SEMA4B: variants seen among roughly 807,000 people sequenced by gnomAD.
SEMA4B encodes the protein semaphorin-4B.
Under a neutral mutation model 88.1 loss-of-function variants are expected in SEMA4B, and 55 were observed. The observed-to-expected ratio is 0.62, with a 90% CI of 0.50 to 0.78. The LOEUF (loss-of-function observed/expected upper bound fraction) is 0.78, where lower values mean the gene tolerates loss of function less well. SEMA4B is among the 30% of genes least tolerant of loss of function. SEMA4B has a pLI of 0.00. For missense variants in SEMA4B, 1,062 were observed against 1,111.9 expected (o/e 0.96, Z 0.64); for synonymous variants, 525 against 473.6 (o/e 1.11, Z -1.41).
Position 90,211,304 on chromosome 15 carries a change from C to T in SEMA4B, c.158-6135C>T, listed in dbSNP as rs139107768. 4.3e-3 allele frequency among the ~76,000 whole-genome samples: 653 copies of T among 152,302 alleles called. 2 individuals carry two copies. The highest frequency in any genetic ancestry group is 0.015 in the African/African-American group (626 of 41,566). On this transcript the variant is annotated intron_variant, in intron 1 of 13. Transcript: ENST00000411539. Reference sequence around the variant, plus strand: ...TTCTGGCAGAGGCTCTTCGTCTGCCCACTTGGGGCTGTAGCAATGGCTTTC... The same window carrying T: ...TTCTGGCAGAGGCTCTTCGTCTGCCTACTTGGGGCTGTAGCAATGGCTTTC...
intron 3 of SEMA4B, chr15:90,219,169 G>C (rs1454720133): frequency 6.6e-6 from 1 of 152,378 alleles, no homozygotes; most frequent in African/African-American, 2.4e-5. Context: ...TCAGATTCCG[G>C]ATGCATTTTG....
chr15:90,200,253 G>A (rs1412989300), upstream of SEMA4B, among the ~76,000 whole-genome samples: 1 of 152,168 alleles, frequency 6.6e-6, no homozygotes, highest in Non-Finnish European at 1.5e-5. Flanking sequence ...TTGGCTGGGG[G>A]TGAAGAGGAG....
At chr15:90,224,833 A>G in intron 9 of SEMA4B, 135 bp from the exon 10 acceptor site, 3 of 728,440 alleles carry the variant, frequency 4.1e-6, no homozygotes, top group Non-Finnish European at 7.3e-6. Context: ...CTGGCTCTGT[A>G]GAGCACTGCC....
At chr15:90,186,065 C>T (rs534921138) in intron 1 of SEMA4B, among the ~76,000 whole-genome samples, 4 of 151,042 alleles carry the variant, frequency 2.6e-5, no homozygotes, top group East Asian at 4.0e-4. Flanking sequence ...TCCTGAGTAG[C>T]TGGGACTACA....
chr15:90,205,848 C>T (rs1424527724), intron 1 of SEMA4B, among the ~76,000 whole-genome samples: 2 of 152,166 alleles, frequency 1.3e-5, no homozygotes, highest in African/African-American at 2.4e-5. Flanking sequence ...TACCAGGGGT[C>T]CTGCTTAATT....
chr15:90,186,360 C>CT (rs2151580060), intron 1 of SEMA4B, among the ~76,000 whole-genome samples: 1 of 152,200 alleles, frequency 6.6e-6, no homozygotes, highest in East Asian at 1.9e-4. Context: ...TGGCTCACGC[C>CT]TGTAATCCCA....
intron 1 of SEMA4B, chr15:90,206,995 AC>A (rs200074082): frequency 6.5e-6 from 3 of 462,298 alleles, no homozygotes; most frequent in East Asian, 9.0e-5. Flanking sequence ...CACAAAAAAA[AC>A]AAAAAAAGCC....
rs1471076270 is a variant in SEMA4B at position 90,212,135 on chromosome 15, AC to A, written c.158-5303del. Among the ~76,000 whole-genome samples the A allele has an allele frequency of 0.09, 1,539 of 17,190 alleles. 11 individuals are homozygous for A. The highest frequency in any genetic ancestry group is 0.11 in the Admixed American group (157 of 1,382). 11.3% of individuals were successfully genotyped at this position (17,190 alleles called of 152,430 possible). On this transcript the variant is annotated intron_variant, in intron 1 of 13. Transcript: ENST00000411539. This position sits in a 1 kb window ranked among gnomAD's most constrained non-coding sequence, Gnocchi z 4.0. The stretch of plus-strand genomic sequence containing the variant: ...GCTGAGTATTCCCACATCACTTCCT[AC>A]TCAGAACCCCACTTCCTACTCAGAA...
intron 7 of SEMA4B, among the ~76,000 whole-genome samples, chr15:90,222,249 C>CTTTT (rs766999023): frequency 2.8e-4 from 29 of 104,356 alleles, no homozygotes; most frequent in African/African-American, 1.3e-3. Context: ...CATTTTTTTT[C>CTTTT]TTTTCTTTTT....
At chr15:90,227,770 C>T in intron 13 of SEMA4B, 128 bp downstream of exon 13, 2 of 1,466,542 alleles carry the variant, frequency 1.4e-6, no homozygotes, top group Non-Finnish European at 9.3e-7. Context: ...AGCAGGTCCC[C>T]AGGAAGACTC....
chr15:90,218,439 CAT>C (rs1255848581), intron 3 of SEMA4B, among the ~76,000 whole-genome samples: 1 of 152,216 alleles, frequency 6.6e-6, no homozygotes, highest in Non-Finnish European at 1.5e-5. Context: ...ATTCAGCTAA[CAT>C]TGATGAAGCA....
At chr15:90,201,860 G>A (rs1567046322) in intron 1 of SEMA4B, 125 bp downstream of exon 1, 8 of 944,978 alleles carry the variant, frequency 8.5e-6, no homozygotes, top group Non-Finnish European at 1.2e-5. Context: ...GATCCATTAG[G>A]ACCCCTTCTT....
chr15:90,190,998 C>G (rs1439191680), intron 1 of SEMA4B, among the ~76,000 whole-genome samples: 1 of 152,144 alleles, frequency 6.6e-6, no homozygotes, highest in Non-Finnish European at 1.5e-5. Context: ...ATCTGGTCTC[C>G]CCTGGACAGG....
chr15:90,194,959 G>A (rs1226026267), intron 1 of SEMA4B, among the ~76,000 whole-genome samples: 1 of 151,876 alleles, frequency 6.6e-6, no homozygotes, highest in Non-Finnish European at 1.5e-5. Flanking sequence ...TCTGAGAAAT[G>A]CCATTATCAT....
chr15:90,225,329 A>T lies in SEMA4B; in HGVS notation c.1453A>T (p.Ile485Phe). ...KAVSVGPRVH[I>F]IEELQIFSSG... ...AGTGAGCGTGGGCCCCCGGGTGCAC[A>T]TCATTGAGGAGCTGCAGATCTTCTC... The change falls in exon 11 of 14, where the codon ATC becomes TTC. Residue 485 changes from isoleucine to phenylalanine, a missense_variant. Coordinates refer to ENST00000411539, the MANE Select transcript of SEMA4B (RefSeq NM_198925.4). The T allele has an allele frequency of 1.9e-6, 3 of 1,558,546 alleles. No homozygotes were observed. The South Asian group carries it at 3.5e-5, about 18-fold the overall frequency.
chr15:90,194,693 G>T (rs1262386425), intron 1 of SEMA4B, among the ~76,000 whole-genome samples: 1 of 152,122 alleles, frequency 6.6e-6, no homozygotes, highest in Non-Finnish European at 1.5e-5. Flanking sequence ...GAGCCACCGT[G>T]CCTGGCTGTC....
chr15:90,196,509 G>A (rs1960511425), upstream of SEMA4B, among the ~76,000 whole-genome samples: 1 of 150,972 alleles, frequency 6.6e-6, no homozygotes, highest in Non-Finnish European at 1.5e-5. Context: ...TTTTTTTTGA[G>A]ACAGAGTCTC....
At chr15:90,214,939 TG>T in intron 1 of SEMA4B, 1 of 1,269,048 alleles carries the variant, frequency 7.9e-7, no homozygotes, top group Non-Finnish European at 1.0e-6. Flanking sequence ...GGAACCAGGC[TG>T]GGGGTATGTA....
At chr15:90,224,900 A>C in intron 9 of SEMA4B, 68 bp from the exon 10 acceptor site, 3 of 1,329,568 alleles carry the variant, frequency 2.3e-6, no homozygotes, top group Non-Finnish European at 3.2e-6. Context: ...CCACTGGGGA[A>C]GCAGGGCCCG....
Sources: allele counts gnomAD v4.1 joint callset (sites outside exome capture counted in the v4.1 genomes callset), GRCh38; gene constraint gnomAD v4.1.1; non-coding constraint Gnocchi (gnomAD v3.1); transcripts MANE v1.5; gene names NCBI Gene and HGNC (gene_info 2026-07-23, HGNC 2026-07-21).